Variants in ZPBP observed in about 807,000 individuals in gnomAD.
The protein encoded by ZPBP is zona pellucida binding protein, also known as zona pellucida-binding protein 1.
Under a neutral mutation model 44.8 loss-of-function variants are expected in ZPBP, and 26 were observed. The observed-to-expected ratio is 0.58, with a 90% CI of 0.43 to 0.81. The LOEUF (loss-of-function observed/expected upper bound fraction) is 0.81, where lower values mean the gene tolerates loss of function less well. Ranked by LOEUF, ZPBP falls within the 30% of genes least tolerant of loss-of-function variation. The pLI, the probability that ZPBP is intolerant of heterozygous loss-of-function variation, is 0.00. For missense variants in ZPBP, 409 were observed against 434.0 expected (o/e 0.94, Z 0.51); for synonymous variants, 174 against 153.2 (o/e 1.14, Z -1.00).
At chr7:49,998,264 A>G (rs1217571635) in intron 6 of ZPBP, among the ~76,000 whole-genome samples, 4 of 152,120 alleles carry the variant, frequency 2.6e-5, no homozygotes, top group Non-Finnish European at 5.9e-5. Context: ...TGAGAGTTCA[A>G]TTTGCTTTGT....
intron 2 of ZPBP, among the ~76,000 whole-genome samples, chr7:49,899,096 A>G (rs1422006731): frequency 6.6e-6 from 1 of 152,100 alleles, no homozygotes; most frequent in Admixed American, 6.6e-5. Context: ...GTTGTCTGCA[A>G]GAAATCAGAC....
At chr7:49,875,613 CGCCTT>C (rs1562746363) in intron 2 of ZPBP, among the ~76,000 whole-genome samples, 2 of 151,810 alleles carry the variant, frequency 1.3e-5, no homozygotes, top group African/African-American at 4.8e-5. Flanking sequence ...GGAAACCCAC[CGCCTT>C]CCAGTATCAG....
At chr7:49,875,542 C>A (rs889402123) in intron 2 of ZPBP, among the ~76,000 whole-genome samples, 5 of 151,718 alleles carry the variant, frequency 3.3e-5, no homozygotes, top group Non-Finnish European at 7.4e-5. Context: ...TGGCTGGAGT[C>A]CTTTTGCATG....
At chr7:50,042,598 C>G (rs1045546560) in intron 4 of ZPBP, among the ~76,000 whole-genome samples, 1 of 152,144 alleles carries the variant, frequency 6.6e-6, no homozygotes, top group African/African-American at 2.4e-5. Flanking sequence ...AAATAAAATC[C>G]ATTACAGACA....
At chr7:49,865,387 A>G (rs1261930607) in intron 2 of ZPBP, among the ~76,000 whole-genome samples, 3 of 152,238 alleles carry the variant, frequency 2.0e-5, no homozygotes, top group African/African-American at 7.2e-5. Context: ...TGGGAGTAAC[A>G]TGAGCACTGA....
At chr7:49,995,365 G>A (rs1245744843) in intron 6 of ZPBP, among the ~76,000 whole-genome samples, 3 of 152,146 alleles carry the variant, frequency 2.0e-5, no homozygotes, top group Admixed American at 1.3e-4. Flanking sequence ...TATGGACAGG[G>A]ATGGAAAAAA....
chr7:49,981,316 A>T (rs867218637), intron 7 of ZPBP, among the ~76,000 whole-genome samples: 1 of 47,026 alleles, frequency 2.1e-5, no homozygotes, highest in Non-Finnish European at 4.9e-5. Flanking sequence ...ATTATATATT[A>T]TATAATATAT....
intron 7 of ZPBP, among the ~76,000 whole-genome samples, chr7:49,973,618 T>A (rs1030344813): frequency 3.3e-5 from 5 of 152,004 alleles, no homozygotes; most frequent in Non-Finnish European, 7.4e-5. Context: ...ATTAGAGAAA[T>A]GCAAATCAAG....
chr7:49,922,027 G>A (rs934306981), intron 1 of ZPBP: 9 of 152,164 alleles, frequency 5.9e-5, no homozygotes, highest in Middle Eastern at 3.4e-3. Context: ...GATTAAGCAA[G>A]ATAAATAAAA....
intron 2 of ZPBP, among the ~76,000 whole-genome samples, chr7:49,870,993 G>A (rs1465518218): frequency 6.6e-6 from 1 of 151,972 alleles, no homozygotes; most frequent in Non-Finnish European, 1.5e-5. Context: ...TAATCAAAAT[G>A]GTAAAACATG....
At chr7:49,893,620 T>A (rs1483380410) in intron 2 of ZPBP, among the ~76,000 whole-genome samples, 1 of 141,630 alleles carries the variant, frequency 7.1e-6, no homozygotes, top group African/African-American at 2.6e-5. Flanking sequence ...AATGAAAATG[T>A]ATCTTAGGAA....
intron 1 of ZPBP, among the ~76,000 whole-genome samples, chr7:49,910,276 T>G (rs1449066227): frequency 2.0e-5 from 3 of 152,212 alleles, no homozygotes; most frequent in Non-Finnish European, 4.4e-5. Context: ...GTACTTAGAA[T>G]TATTCAAAGG....
At chr7:49,905,830 T>G (rs900577442) in intron 1 of ZPBP, among the ~76,000 whole-genome samples, 1 of 152,156 alleles carries the variant, frequency 6.6e-6, no homozygotes, top group African/African-American at 2.4e-5. Context: ...CAGGCTGCAG[T>G]AAAGAAGCCG....
the ZPBP span, among the ~76,000 whole-genome samples, chr7:49,844,503 G>T: frequency 6.6e-6 from 1 of 152,074 alleles, no homozygotes; most frequent in Non-Finnish European, 1.5e-5. Context: ...TCAATTAATT[G>T]TATATCCATT....
chr7:50,090,498 A>T (rs1025056154), intron 1 of ZPBP, among the ~76,000 whole-genome samples: 2 of 150,174 alleles, frequency 1.3e-5, no homozygotes, highest in African/African-American at 2.5e-5. Context: ...TGTGTATATG[A>T]GTGTATATAT....
chr7:50,033,677 A>ACTTT (rs1554377427), intron 4 of ZPBP, among the ~76,000 whole-genome samples: 11 of 46,236 alleles, frequency 2.4e-4, no homozygotes, highest in African/African-American at 8.2e-4. Context: ...TTCTTTCTAC[A>ACTTT]GTTTATTTAT....
chr7:49,918,543 A>G (rs1793843772), intron 1 of ZPBP: 1 of 152,232 alleles, frequency 6.6e-6, no homozygotes, highest in South Asian at 2.1e-4. Flanking sequence ...TAAAAATAGT[A>G]TTGAAGCATC....
At chr7:49,867,425 C>T (rs1217774505) in intron 2 of ZPBP, among the ~76,000 whole-genome samples, 2 of 152,120 alleles carry the variant, frequency 1.3e-5, no homozygotes, top group Non-Finnish European at 2.9e-5. Flanking sequence ...GGAAGGAGTA[C>T]AGGTCAACTG....
At chr7:49,922,492 C>A (rs1794066334) in intron 1 of ZPBP, among the ~76,000 whole-genome samples, 1 of 152,154 alleles carries the variant, frequency 6.6e-6, no homozygotes, top group Non-Finnish European at 1.5e-5. Flanking sequence ...ACTGGAAAAT[C>A]TGGGCAGAAT....
Sources: gnomAD v4.1 joint callset for allele counts (sites outside exome capture counted in the v4.1 genomes callset) on GRCh38, gnomAD v4.1.1 for gene constraint, MANE v1.5 for transcripts, NCBI Gene and HGNC (gene_info 2026-07-23, HGNC 2026-07-21) for gene names.